CCDC60: variants seen among roughly 807,000 people sequenced by gnomAD.
CCDC60 encodes coiled-coil domain containing 60.
In CCDC60, 54 loss-of-function variants were observed where a neutral mutation model predicts 63.5. The ratio of observed to expected loss-of-function variants is 0.85; its 90% confidence interval spans 0.68 to 1.07. The LOEUF (loss-of-function observed/expected upper bound fraction) is 1.07. Ranked by LOEUF, CCDC60 falls within the 50% of genes least tolerant of loss-of-function variation. The pLI is 0.00. For missense variants in CCDC60, 651 were observed against 684.3 expected (o/e 0.95, Z 0.54); for synonymous variants, 206 against 238.8 (o/e 0.86, Z 1.27).
chr12:119,477,637 G>A (rs1454207246), intron 3 of CCDC60, among the ~76,000 whole-genome samples: 3 of 152,190 alleles, frequency 2.0e-5, no homozygotes, highest in Non-Finnish European at 2.9e-5. Flanking sequence ...TACTTACACT[G>A]CAGCTCAGAA....
intron 4 of CCDC60, among the ~76,000 whole-genome samples, chr12:119,480,963 CATCACCATCATT>C (rs1951303713): frequency 6.6e-6 from 1 of 150,656 alleles, no homozygotes; most frequent in African/African-American, 2.4e-5. Flanking sequence ...CCATCATCAC[CATCACCATCATT>C]ATCACCATCA....
intron 1 of CCDC60, among the ~76,000 whole-genome samples, chr12:119,411,904 G>A (rs1292250639): frequency 1.3e-5 from 2 of 152,034 alleles, no homozygotes; most frequent in African/African-American, 2.4e-5. Flanking sequence ...GCCCCCACAC[G>A]GTTTGATGCC....
chr12:119,524,381 TGCCCTTTCTA>T (rs1315632044), intron 11 of CCDC60: 1 of 912,854 alleles, frequency 1.1e-6, no homozygotes, highest in Non-Finnish European at 1.3e-6. Flanking sequence ...CAATAACTTC[TGCCCTTTCTA>T]GCTTACTCCT....
At chr12:119,501,299 C>G (rs1593179693) in intron 6 of CCDC60, among the ~76,000 whole-genome samples, 1 of 152,306 alleles carries the variant, frequency 6.6e-6, no homozygotes, top group South Asian at 2.1e-4. Context: ...AAGGAAGCTT[C>G]TGTAGGAATA....
intron 12 of CCDC60, among the ~76,000 whole-genome samples, chr12:119,529,990 T>C (rs1234611944): frequency 6.6e-6 from 1 of 152,160 alleles, no homozygotes; most frequent in Non-Finnish European, 1.5e-5. Context: ...TTGTAGTTGT[T>C]CATTCATCCA....
intron 13 of CCDC60, among the ~76,000 whole-genome samples, chr12:119,535,862 G>A (rs186940547): frequency 4.9e-4 from 75 of 152,296 alleles, no homozygotes; most frequent in East Asian, 2.3e-3. Flanking sequence ...GAATAAGTGC[G>A]ATGTGGTGCT....
rs979058431 is a variant in CCDC60 at position 119,341,258 on chromosome 12, C to T, written c.90+5992C>T. 2.6e-5 allele frequency among the ~76,000 whole-genome samples: 4 copies of T among 151,710 alleles called. No homozygotes were observed. In the South Asian group the frequency reaches 8.3e-4, roughly 31 times the overall value. On this transcript the variant is annotated intron_variant, in intron 1 of 13. Transcript: ENST00000327554. ...AAGGAGTGTGTTCATTACCTCCTGACACGAGAAGAGCGATCGGCACTCTTC... is the reference window on the plus strand; with the variant it reads ...AAGGAGTGTGTTCATTACCTCCTGATACGAGAAGAGCGATCGGCACTCTTC...
intron 1 of CCDC60, among the ~76,000 whole-genome samples, chr12:119,353,595 CTTCTTTTTTTTTTTTT>C (rs1955682678): frequency 9.0e-6 from 1 of 110,866 alleles, no homozygotes; most frequent in Non-Finnish European, 1.8e-5. Context: ...TCTTCTTCTT[CTTCTTTTTTTTTTTTT>C]TTTTTTTTTT....
At chr12:119,412,387 A>G (rs1956618664) in intron 1 of CCDC60, among the ~76,000 whole-genome samples, 1 of 152,108 alleles carries the variant, frequency 6.6e-6, no homozygotes, top group African/African-American at 2.4e-5. Context: ...TTCCAGGGAG[A>G]GAGAAAACGG....
At chr12:119,439,674 A>T (rs1806215151) in intron 2 of CCDC60, among the ~76,000 whole-genome samples, 1 of 152,196 alleles carries the variant, frequency 6.6e-6, no homozygotes, top group African/African-American at 2.4e-5. Flanking sequence ...TACAAAATGC[A>T]CCATGAAGAA....
chr12:119,397,184 G>A (rs866494729), intron 1 of CCDC60, among the ~76,000 whole-genome samples: 2 of 152,168 alleles, frequency 1.3e-5, no homozygotes, highest in Non-Finnish European at 2.9e-5. Flanking sequence ...AGCTCATAAA[G>A]GTGTTGCAAA....
At chr12:119,383,328 C>T (rs1160611968) in intron 1 of CCDC60, among the ~76,000 whole-genome samples, 2 of 152,178 alleles carry the variant, frequency 1.3e-5, no homozygotes, top group Non-Finnish European at 2.9e-5. Flanking sequence ...AGTCTTCTCG[C>T]CCCACCCATA....
At chr12:119,511,517 G>A (rs1314245810) in intron 7 of CCDC60, among the ~76,000 whole-genome samples, 3 of 152,148 alleles carry the variant, frequency 2.0e-5, no homozygotes, top group Admixed American at 6.5e-5. Context: ...TCAAAAACAT[G>A]AGTCCTATGC....
In CCDC60 at chr12:119,538,127, G is replaced by A. The variant is rs141284444; in HGVS notation, c.1552-2487G>A. On this transcript the variant is annotated intron_variant, in intron 13 of 13. Coordinates refer to ENST00000327554, the MANE Select transcript of CCDC60 (RefSeq NM_178499.5). ...TACCTACTCAAGCCTCAGCAATGGC[G>A]GATGCCCCTCCCCCTGCCAGGCTGC... 5.2e-3 allele frequency among the ~76,000 whole-genome samples: 790 copies of A among 152,332 alleles called. 5 individuals carry two copies. The highest frequency in any genetic ancestry group is 8.9e-3 in the Non-Finnish European group (605 of 68,032).
chr12:119,360,140 G>C (rs1366356214), intron 1 of CCDC60, among the ~76,000 whole-genome samples: 3 of 146,098 alleles, frequency 2.1e-5, no homozygotes, highest in East Asian at 2.1e-4. Context: ...CCTCCCGGAC[G>C]GGGCGGCTGG....
At chr12:119,485,610 G>A (rs1405915819) in intron 4 of CCDC60, among the ~76,000 whole-genome samples, 1 of 152,026 alleles carries the variant, frequency 6.6e-6, no homozygotes, top group African/African-American at 2.4e-5. Flanking sequence ...TCGCAGCCCT[G>A]GCGTCTCTTT....
chr12:119,360,906 G>A (rs1036561240), intron 1 of CCDC60, among the ~76,000 whole-genome samples: 1 of 152,162 alleles, frequency 6.6e-6, no homozygotes, highest in African/African-American at 2.4e-5. Context: ...GGCCGAGGCT[G>A]GCGGATCACT....
Position 119,516,745 on chromosome 12 carries a change from A to G in CCDC60, c.968+38A>G, listed in dbSNP as rs372075699. ...GACTCCTGGGGCAAATAAAGCTTAG[A>G]ATAATAGCAATCACATTAACAGTAG... On this transcript the variant is annotated intron_variant, in intron 8 of 13. Coordinates refer to ENST00000327554, the MANE Select transcript of CCDC60 (RefSeq NM_178499.5). 6.0e-5 allele frequency: 83 copies of G among 1,381,172 alleles called. No individual in the cohort carries two copies. The African/African-American group carries it at 1.1e-3, about 19-fold the overall frequency. 85.6% of individuals were successfully genotyped at this position (1,381,172 alleles called of 1,614,324 possible).
At chr12:119,426,433 G>GCAGCCTTGACCT (rs1489104355) in intron 1 of CCDC60, among the ~76,000 whole-genome samples, 6 of 152,140 alleles carry the variant, frequency 3.9e-5, no homozygotes, top group Admixed American at 3.9e-4. Flanking sequence ...TCAGGTGACA[G>GCAGCCTTGACCT]CAGCCTTGAC....
Sources: gnomAD v4.1 joint callset for allele counts (sites outside exome capture counted in the v4.1 genomes callset) on GRCh38, gnomAD v4.1.1 for gene constraint, MANE v1.5 for transcripts, NCBI Gene and HGNC (gene_info 2026-07-23, HGNC 2026-07-21) for gene names.